AHR: variants seen among roughly 807,000 people sequenced by gnomAD.
The protein encoded by AHR is aryl hydrocarbon receptor.
A neutral mutation model predicts 86.8 loss-of-function variants in AHR; 40 were observed. The ratio of observed to expected loss-of-function variants is 0.46; its 90% CI spans 0.36 to 0.60. The LOEUF (loss-of-function observed/expected upper bound fraction) is 0.60. Among genes scored for constraint, AHR ranks in the 20% least tolerant of loss-of-function variants. The pLI is 0.00. For missense variants in AHR, 1,001 were observed against 1,011.6 expected, an observed-to-expected ratio of 0.99 and a Z score of 0.14; for synonymous variants, 398 against 354.9, an observed-to-expected ratio of 1.12 and a Z score of -1.37.
intron 2 of AHR, among the ~76,000 whole-genome samples, chr7:17,313,172 G>C (rs1782083281): frequency 6.6e-6 from 1 of 151,904 alleles, no homozygotes; most frequent in Admixed American, 6.6e-5. Context: ...ACTACCAGTG[G>C]TCTGGAAAGG....
intron 1 of AHR, 148 bp downstream of exon 1, chr7:17,299,477 G>A (rs116321464): frequency 2.3e-6 from 2 of 871,526 alleles, no homozygotes; most frequent in Non-Finnish European, 3.4e-6. Flanking sequence ...TTTGGAGGCC[G>A]GCTGGGAGAC....
Position 17,339,216 on chromosome 7 carries a change from A to G in AHR, c.1391A>G (p.Asp464Gly). ...SSLLAAMMQQ[D>G]ESIYLYPASS... is the part of the protein sequence containing the mutation. ...CTCCTGGCTGCCATGATGCAACAAGATGAGTCTATTTATCTCTATCCTGCT... is the reference window on the plus strand; with the variant it reads ...CTCCTGGCTGCCATGATGCAACAAGGTGAGTCTATTTATCTCTATCCTGCT... Residue 464 changes from aspartate (D) to glycine (G), a missense_variant, in exon 10 of 11, where the codon GAT (aspartate) becomes GGT (glycine). By Grantham distance (94) the Asp-to-Gly change is moderately conservative. This residue lies in a region of AHR where 607 missense variants were observed against 543.1 expected (regional missense o/e 1.12). Transcript: ENST00000242057. The G allele has an allele frequency of 6.2e-7, 1 of 1,614,210 alleles. No individual in the cohort carries two copies. Among genetic ancestry groups the G allele is most frequent in the Non-Finnish European group, 8.5e-7 (1 of 1,180,030 alleles).
intron 1 of AHR, among the ~76,000 whole-genome samples, chr7:17,308,492 G>T (rs1006565304): frequency 2.6e-5 from 4 of 152,128 alleles, no homozygotes; most frequent in Admixed American, 6.6e-5. Flanking sequence ...AACCAGTAGA[G>T]AATTACACAA....
chr7:17,335,359 A>G (rs765975044), intron 8 of AHR, among the ~76,000 whole-genome samples: 3 of 152,056 alleles, frequency 2.0e-5, no homozygotes, highest in Non-Finnish European at 2.9e-5. Flanking sequence ...AATATTCCCT[A>G]TTTAAAATGA....
In AHR at chr7:17,321,273, T is replaced by C. The variant is rs952804682; in HGVS notation, c.254-1228T>C. 3.9e-5 allele frequency among the ~76,000 whole-genome samples: 6 copies of C among 152,222 alleles called. 1 individual carries two copies. Among genetic ancestry groups the C allele is most frequent in the Admixed American group, 6.5e-5 (1 of 15,268 alleles). The stretch of plus-strand genomic sequence containing the variant: ...ATTTCTACTAATTACAGCTACTGTT[T>C]GTTGAACAGTATTGATCCACTATGT... On this transcript the variant is annotated intron_variant, in intron 2 of 10. Coordinates refer to ENST00000242057, the MANE Select transcript of AHR (RefSeq NM_001621.5).
At chr7:17,301,091 A>G (rs188858881) in intron 1 of AHR, among the ~76,000 whole-genome samples, 3 of 152,212 alleles carry the variant, frequency 2.0e-5, no homozygotes, top group African/African-American at 7.2e-5. Context: ...TTATAATATA[A>G]CAAAAGTATT....
chr7:17,312,538 A>G (rs760321130), intron 2 of AHR, among the ~76,000 whole-genome samples: 3 of 152,332 alleles, frequency 2.0e-5, no homozygotes, highest in East Asian at 1.9e-4. Context: ...AGACACATAC[A>G]TGATTAGATA....
Position 17,335,679 on chromosome 7 carries a change from C to T in AHR, c.1053C>T (p.Phe351=). 6.3e-7 allele frequency: 1 copy of T among 1,589,940 alleles called. No individual in the cohort carries two copies. Among genetic ancestry groups the T allele is most frequent in the Non-Finnish European group, 8.6e-7 (1 of 1,166,344 alleles). The change falls in exon 9 of 11, where the codon TTC becomes TTT. Residue 351 remains phenylalanine, a synonymous_variant. Transcript: ENST00000242057. ...IKTGESGMIV[F]RLLTKNNRWT... is the part of the protein sequence containing the mutation. ...CTGGAGAAAGTGGCATGATAGTTTT[C>T]CGGCTTCTTACAAAAAACAACCGAT...
chr7:17,327,643 A>T, intron 3 of AHR, 116 bp from the exon 4 acceptor site: 1 of 441,478 alleles, frequency 2.3e-6, no homozygotes. Context: ...TGTTTGTGAA[A>T]TGTGACAATT....
chr7:17,328,349 C>G (rs1056592387), intron 4 of AHR, among the ~76,000 whole-genome samples: 14 of 151,980 alleles, frequency 9.2e-5, no homozygotes, highest in African/African-American at 3.1e-4. Context: ...TATTGAAGTA[C>G]TGTAAGCATT....
chr7:17,341,601 A>G (rs2115371347), intron 10 of AHR, among the ~76,000 whole-genome samples: 1 of 152,286 alleles, frequency 6.6e-6, no homozygotes, highest in South Asian at 2.1e-4. Context: ...AGCACTTGAA[A>G]TGTGGCTAGT....
At chr7:17,338,740 G>A (rs1782383158) in intron 9 of AHR, among the ~76,000 whole-genome samples, 2 of 151,942 alleles carry the variant, frequency 1.3e-5, no homozygotes, top group South Asian at 4.2e-4. Flanking sequence ...AGGGTGTCAG[G>A]TAGGGATGTA....
chr7:17,321,496 A>G (rs866631936), intron 2 of AHR, among the ~76,000 whole-genome samples: 2 of 152,000 alleles, frequency 1.3e-5, no homozygotes, highest in South Asian at 4.1e-4. Context: ...GTGAGATAAT[A>G]TTTGAAAGTG....
intron 2 of AHR, among the ~76,000 whole-genome samples, chr7:17,321,016 C>T (rs1383389700): frequency 2.6e-5 from 4 of 152,112 alleles, no homozygotes; most frequent in Non-Finnish European, 5.9e-5. Flanking sequence ...ATATGTGGAA[C>T]TCTGCTCAGA....
At chr7:17,323,913 TG>T (rs1253862548) in intron 3 of AHR, among the ~76,000 whole-genome samples, 1 of 152,202 alleles carries the variant, frequency 6.6e-6, no homozygotes, top group Non-Finnish European at 1.5e-5. Flanking sequence ...ACACACCTCT[TG>T]GGTTTTCTAC....
At chr7:17,326,199 C>T (rs566477336) in intron 3 of AHR, among the ~76,000 whole-genome samples, 1 of 152,160 alleles carries the variant, frequency 6.6e-6, no homozygotes, top group South Asian at 2.1e-4. Context: ...GAAGAAACCA[C>T]TCAAATACAT....
chr7:17,301,902 A>G (rs1336026442), intron 1 of AHR, among the ~76,000 whole-genome samples: 3 of 151,928 alleles, frequency 2.0e-5, no homozygotes, highest in African/African-American at 7.2e-5. Flanking sequence ...AACTTTCATT[A>G]TAGAATCTAC....
At position 17,343,749 on chromosome 7, in the gene AHR, C is replaced by G. The variant is rs1327446387; in HGVS notation, c.*685C>G. 1.3e-5 allele frequency: 2 copies of G among 152,480 alleles called. No individual in the cohort carries two copies. The highest frequency in any genetic ancestry group is 4.8e-5 in the African/African-American group (2 of 41,378). 9.4% of individuals were successfully genotyped at this position (152,480 alleles called of 1,614,324 possible). On this transcript the variant is annotated 3_prime_UTR_variant, in exon 11 of 11. Transcript: ENST00000242057. ...ATCCAACCATTTTCATTAATTCAGG[C>G]ATATTTTAACTCCACTGCTTACCTA...
intron 2 of AHR, among the ~76,000 whole-genome samples, chr7:17,317,116 G>GTTTTTTTTTTTTTTTTTTTTTTTTT (rs66779121): frequency 8.1e-6 from 1 of 123,684 alleles, no homozygotes; most frequent in Non-Finnish European, 1.6e-5. Flanking sequence ...GGAGAATTTT[G>GTTTTTTTTTTTTTTTTTTTTTTTTT]TTTTTTTTTT....
Sources: gnomAD v4.1 joint callset for allele counts (sites outside exome capture counted in the v4.1 genomes callset) on GRCh38, gnomAD v4.1.1 for gene constraint, gnomAD v4.1.1 regional missense constraint, MANE v1.5 for transcripts, NCBI Gene and HGNC (gene_info 2026-07-23, HGNC 2026-07-21) for gene names.